Variants in PCNX1 observed in about 807,000 individuals in gnomAD.
The protein encoded by PCNX1 is pecanex-like protein 1.
In PCNX1, 78 loss-of-function variants were observed where a neutral mutation model predicts 242.2. That is an observed-to-expected ratio of 0.32 (90% CI 0.27 to 0.39). PCNX1 has a LOEUF of 0.39. Among genes scored for constraint, PCNX1 ranks in the 10% least tolerant of loss-of-function variants. PCNX1 has a pLI of 1.00. For synonymous variants in PCNX1, 1,024 were observed against 1,032.9 expected (o/e 0.99, Z 0.17); for missense variants, 2,581 against 2,856.5 (o/e 0.90, Z 2.20).
At chr14:70,942,800 T>G (rs954052353) in intron 1 of PCNX1, 16 of 152,254 alleles carry the variant, frequency 1.1e-4, no homozygotes, top group African/African-American at 3.6e-4. Context: ...ATTTGGTGAT[T>G]AATATGGTTT....
chr14:71,013,347 A>G (rs1595241185), intron 11 of PCNX1, 145 bp downstream of exon 11: 1 of 718,510 alleles, frequency 1.4e-6, no homozygotes, highest in Middle Eastern at 3.0e-4. Flanking sequence ...ACTTAAGGTA[A>G]TGGGTTTCTA....
intron 5 of PCNX1, among the ~76,000 whole-genome samples, chr14:70,976,030 G>T (rs1335319226): frequency 1.3e-5 from 2 of 151,960 alleles, no homozygotes; most frequent in Admixed American, 1.3e-4. Flanking sequence ...TTAGGCATTG[G>T]TCAGCCTATT....
intron 26 of PCNX1, among the ~76,000 whole-genome samples, chr14:71,068,596 G>A (rs1195848932): frequency 2.1e-5 from 3 of 139,824 alleles, no homozygotes; most frequent in East Asian, 4.1e-4. Flanking sequence ...ACGTGCGTGT[G>A]TGTGTGTGTG....
At chr14:71,029,817 T>G (rs1159749527) in intron 16 of PCNX1, among the ~76,000 whole-genome samples, 1 of 152,228 alleles carries the variant, frequency 6.6e-6, no homozygotes, top group Non-Finnish European at 1.5e-5. Context: ...ACATCTAAGG[T>G]CATTCCTCTA....
intron 6 of PCNX1, among the ~76,000 whole-genome samples, chr14:70,981,250 A>G (rs745885779): frequency 2.0e-5 from 3 of 152,198 alleles, no homozygotes; most frequent in Admixed American, 1.3e-4. Context: ...CCAGTTAGTT[A>G]TGCTGCACAG....
intron 7 of PCNX1, among the ~76,000 whole-genome samples, chr14:70,989,066 AACAAAT>A (rs1002465698): frequency 2.0e-5 from 3 of 152,114 alleles, no homozygotes; most frequent in African/African-American, 7.2e-5. Flanking sequence ...ATATAATATG[AACAAAT>A]ACAAACTGAG....
chr14:71,028,223 TA>T (rs2060289207), intron 15 of PCNX1, among the ~76,000 whole-genome samples: 1 of 151,880 alleles, frequency 6.6e-6, no homozygotes, highest in South Asian at 2.1e-4. Context: ...TTGTTGTTGT[TA>T]TTGTTAGCAA....
Position 70,907,958 on chromosome 14 carries a change from C to T in PCNX1, c.108C>T (p.Leu36=), listed in dbSNP as rs1165461747. The T allele has an allele frequency of 3.1e-6, 5 of 1,598,154 alleles. No individual in the cohort carries two copies. The highest frequency in any genetic ancestry group is 2.7e-5 in the African/African-American group (2 of 73,360). Residue 36 remains leucine (L), a synonymous_variant, in exon 1 of 36, where the codon CTC becomes CTT. Transcript: ENST00000304743. ...CCACCTTCGTGAACGCGCTGCACCT[C>T]TACCTGTGGCTCTTTCTGCTGGGCC... The part of the protein sequence containing the change: ...HQATFVNALH[L]YLWLFLLGLP...
At chr14:70,967,913 T>C (rs1485000494) in intron 3 of PCNX1, among the ~76,000 whole-genome samples, 3 of 152,184 alleles carry the variant, frequency 2.0e-5, no homozygotes, top group African/African-American at 4.8e-5. Flanking sequence ...TGACATGAGT[T>C]GCTTGAGATT....
At chr14:71,059,133 G>T (rs1313329152) in intron 26 of PCNX1, among the ~76,000 whole-genome samples, 4 of 152,132 alleles carry the variant, frequency 2.6e-5, no homozygotes, top group Non-Finnish European at 5.9e-5. Context: ...AAATGAAAGG[G>T]GGGGTGGTTC....
intron 25 of PCNX1, 86 bp downstream of exon 25, chr14:71,055,648 A>G: frequency 1.3e-6 from 1 of 743,058 alleles, no homozygotes; most frequent in Non-Finnish European, 2.2e-6. Flanking sequence ...ACTTGTTGGG[A>G]ATCCTCTATG....
intron 1 of PCNX1, among the ~76,000 whole-genome samples, chr14:70,937,893 G>A (rs1179698481): frequency 1.3e-5 from 2 of 152,118 alleles, no homozygotes; most frequent in Admixed American, 6.5e-5. Context: ...TCTCTTTGAA[G>A]CAATTGTGAA....
chr14:71,032,663 T>G (rs1388476212), intron 16 of PCNX1, among the ~76,000 whole-genome samples: 2 of 152,224 alleles, frequency 1.3e-5, no homozygotes, highest in East Asian at 3.8e-4. Flanking sequence ...CTACCATGTT[T>G]CCTTTCTGAA....
intron 1 of PCNX1, among the ~76,000 whole-genome samples, chr14:70,924,231 C>CAAAAAAAAAAAAAAAAA (rs60333920): frequency 1.0e-5 from 1 of 98,006 alleles, no homozygotes; most frequent in African/African-American, 4.0e-5. Context: ...GAGACTGTCT[C>CAAAAAAAAAAAAAAAAA]AAAAAAAAAA....
chr14:70,936,817 C>T (rs1465190347), intron 1 of PCNX1, among the ~76,000 whole-genome samples: 1 of 152,114 alleles, frequency 6.6e-6, no homozygotes, highest in East Asian at 1.9e-4. Context: ...TTTTAATGAT[C>T]ACCATTCTAA....
At chr14:70,914,260 T>G (rs1454358053) in intron 1 of PCNX1, among the ~76,000 whole-genome samples, 2 of 152,168 alleles carry the variant, frequency 1.3e-5, no homozygotes, top group Non-Finnish European at 2.9e-5. Context: ...ACAGGATCAT[T>G]AGAAGCCAAA....
chr14:71,040,133 C>G (rs1000775892), intron 19 of PCNX1, among the ~76,000 whole-genome samples: 1 of 152,128 alleles, frequency 6.6e-6, no homozygotes, highest in Non-Finnish European at 1.5e-5. Flanking sequence ...TTAAAATCCC[C>G]CTTTCTTGCT....
intron 11 of PCNX1, 95 bp from the exon 12 acceptor site, chr14:71,018,914 A>G (rs2060024667): frequency 4.7e-6 from 5 of 1,058,036 alleles, no homozygotes; most frequent in Non-Finnish European, 5.5e-6. Flanking sequence ...TTGGCATACC[A>G]TGAACTTCAT....
chr14:70,947,786 G>C (rs982778441), intron 2 of PCNX1, among the ~76,000 whole-genome samples: 1 of 152,190 alleles, frequency 6.6e-6, no homozygotes. Context: ...CTGCCTGCGG[G>C]CTGGGCGGAA....
Sources: allele counts gnomAD v4.1 joint callset (sites outside exome capture counted in the v4.1 genomes callset), GRCh38; gene constraint gnomAD v4.1.1; transcripts MANE v1.5; gene names NCBI Gene and HGNC (gene_info 2026-07-23, HGNC 2026-07-21).